The following SDK1 variants were observed in gnomAD, a reference collection of about 807,000 sequenced individuals.
SDK1 encodes protein sidekick-1.
In SDK1, 157 loss-of-function variants were observed where a neutral mutation model predicts 245.5. The ratio of observed to expected loss-of-function variants is 0.64; its 90% CI spans 0.56 to 0.73. The LOEUF (loss-of-function observed/expected upper bound fraction) is 0.73, where lower values mean the gene tolerates loss of function less well. Among genes scored for constraint, SDK1 ranks in the 30% least tolerant of loss-of-function variants. The pLI is 0.00. For missense variants in SDK1, 3,583 were observed against 3,002.3 expected (o/e 1.19, Z -4.52); for synonymous variants, 1,647 against 1,278.5 (o/e 1.29, Z -6.15).
intron 20 of SDK1, among the ~76,000 whole-genome samples, chr7:4,069,640 G>A (rs1276402309): frequency 6.6e-6 from 1 of 152,194 alleles, no homozygotes; most frequent in African/African-American, 2.4e-5. Flanking sequence ...GCCTGTGCTG[G>A]GACTGTGCTG....
At chr7:3,438,764 C>T (rs1378182485) in intron 1 of SDK1, among the ~76,000 whole-genome samples, 1 of 152,048 alleles carries the variant, frequency 6.6e-6, no homozygotes, top group Admixed American at 6.6e-5. Flanking sequence ...CTTCAAACAA[C>T]TCATCTGTCT....
intron 17 of SDK1, among the ~76,000 whole-genome samples, chr7:4,039,135 C>G (rs1294326464): frequency 1.4e-5 from 2 of 145,176 alleles, no homozygotes; most frequent in Admixed American, 1.4e-4. Flanking sequence ...GGGAACATCA[C>G]ACACCGGGGC....
chr7:3,522,630 C>G (rs553006149), intron 1 of SDK1, among the ~76,000 whole-genome samples: 1 of 152,074 alleles, frequency 6.6e-6, no homozygotes, highest in Non-Finnish European at 1.5e-5. Flanking sequence ...CTGGGCTGAC[C>G]TTTGAACGAC....
chr7:3,584,418 C>T (rs988755242), intron 1 of SDK1, among the ~76,000 whole-genome samples: 5 of 152,114 alleles, frequency 3.3e-5, no homozygotes, highest in Admixed American at 6.5e-5. Context: ...ATTGAGCTTT[C>T]ACTTCGTTTC....
chr7:3,502,440 G>T (rs1162207709), intron 1 of SDK1, among the ~76,000 whole-genome samples: 2 of 151,960 alleles, frequency 1.3e-5, no homozygotes, highest in African/African-American at 4.8e-5. Context: ...TGTAGAGATG[G>T]GGTTTCCCTA....
chr7:3,504,278 G>C lies in SDK1; in HGVS notation c.299-114802G>C, dbSNP rs188401652. On this transcript the variant is annotated intron_variant, in intron 1 of 44. Coordinates refer to ENST00000404826, the MANE Select transcript of SDK1 (RefSeq NM_152744.4). The stretch of plus-strand genomic sequence containing the variant: ...TGCTGTTGTTGTCGTTGTTGTTGTT[G>C]TTGTTGTTGTTGTTGCAGAATTTGA... Among the ~76,000 whole-genome samples, 562 of 149,660 alleles carry C rather than the reference G, an allele frequency of 3.8e-3. 14 individuals carry two copies. Among genetic ancestry groups the C allele is most frequent in the Admixed American group, 0.03 (452 of 14,874 alleles).
intron 8 of SDK1, among the ~76,000 whole-genome samples, chr7:3,961,734 C>G (rs1781696579): frequency 6.6e-6 from 1 of 152,190 alleles, no homozygotes; most frequent in African/African-American, 2.4e-5. Flanking sequence ...AAAGATGGCA[C>G]TCATTTTCAT....
At chr7:3,616,864 A>G (rs534485735) in intron 1 of SDK1, among the ~76,000 whole-genome samples, 3 of 152,352 alleles carry the variant, frequency 2.0e-5, no homozygotes, top group Non-Finnish European at 4.4e-5. Context: ...AGAACAGCTT[A>G]GTAATGTCAC....
chr7:4,227,790 C>A (rs1286664519), intron 40 of SDK1, among the ~76,000 whole-genome samples: 1 of 152,200 alleles, frequency 6.6e-6, no homozygotes. Context: ...CGACGTGCTG[C>A]GCTGGGCTCC....
intron 4 of SDK1, among the ~76,000 whole-genome samples, chr7:3,756,159 A>G (rs1779923720): frequency 1.3e-5 from 2 of 150,300 alleles, no homozygotes; most frequent in Non-Finnish European, 3.0e-5. Context: ...CATGTGACAC[A>G]TGCATATCAT....
At chr7:3,524,415 A>G (rs1783049461) in intron 1 of SDK1, among the ~76,000 whole-genome samples, 2 of 152,328 alleles carry the variant, frequency 1.3e-5, no homozygotes, top group East Asian at 1.9e-4. Flanking sequence ...CAAACAAAAG[A>G]TAATGAGGTA....
intron 4 of SDK1, among the ~76,000 whole-genome samples, chr7:3,799,532 G>A (rs527947047): frequency 5.3e-5 from 8 of 151,534 alleles, no homozygotes; most frequent in Non-Finnish European, 1.0e-4. Flanking sequence ...GTGAAACCCC[G>A]TCTCTACTAA....
At chr7:3,513,912 C>T (rs1490411991) in intron 1 of SDK1, among the ~76,000 whole-genome samples, 2 of 152,098 alleles carry the variant, frequency 1.3e-5, no homozygotes, top group Admixed American at 6.6e-5. Context: ...CATTAATTTG[C>T]CTAGGATAGT....
chr7:3,871,334 T>A (rs748020432), intron 5 of SDK1, among the ~76,000 whole-genome samples: 1 of 152,218 alleles, frequency 6.6e-6, no homozygotes. Context: ...TGTGGGAGTT[T>A]CTACATAGAC....
chr7:3,838,851 A>G (rs1010308851), intron 5 of SDK1, among the ~76,000 whole-genome samples: 7 of 152,172 alleles, frequency 4.6e-5, no homozygotes, highest in Non-Finnish European at 7.4e-5. Context: ...CCAAGTCTCT[A>G]TCAAAAACAG....
chr7:3,831,781 A>G (rs1219605842), intron 5 of SDK1, among the ~76,000 whole-genome samples: 2 of 152,008 alleles, frequency 1.3e-5, no homozygotes, highest in African/African-American at 4.8e-5. Context: ...TCACCCGGGC[A>G]TGTTGACTCA....
intron 5 of SDK1, among the ~76,000 whole-genome samples, chr7:3,854,671 G>C (rs1343493461): frequency 1.3e-5 from 2 of 152,262 alleles, no homozygotes; most frequent in East Asian, 3.9e-4. Context: ...TGACAATTTA[G>C]TATTTCTCTG....
At chr7:3,516,858 T>C (rs1288261802) in intron 1 of SDK1, among the ~76,000 whole-genome samples, 2 of 152,160 alleles carry the variant, frequency 1.3e-5, no homozygotes, top group African/African-American at 4.8e-5. Flanking sequence ...TAATAGACTT[T>C]ATCACCCATT....
At chr7:3,950,052 TAAATC>T (rs1413899027) in intron 5 of SDK1, among the ~76,000 whole-genome samples, 1 of 152,150 alleles carries the variant, frequency 6.6e-6, no homozygotes, top group Non-Finnish European at 1.5e-5. Context: ...AGCAAACTCT[TAAATC>T]AATAAAAGAA....
Sources: gnomAD v4.1 joint callset for allele counts (sites outside exome capture counted in the v4.1 genomes callset) on GRCh38, gnomAD v4.1.1 for gene constraint, MANE v1.5 for transcripts, NCBI Gene and HGNC (gene_info 2026-07-23, HGNC 2026-07-21) for gene names.